Variants in EXOC6 observed in about 807,000 individuals in gnomAD.
EXOC6 encodes the protein SEC15-like 1.
A neutral mutation model predicts 112.5 loss-of-function variants in EXOC6; 60 were observed. The ratio of observed to expected loss-of-function variants is 0.53; its 90% CI spans 0.43 to 0.66. The LOEUF is 0.66. Among genes scored for constraint, EXOC6 ranks in the 30% least tolerant of loss-of-function variants. EXOC6 has a pLI of 0.00. For missense variants in EXOC6, 855 were observed against 957.1 expected, an observed-to-expected ratio of 0.89 and a Z score of 1.41; for synonymous variants, 295 against 308.0, an observed-to-expected ratio of 0.96 and a Z score of 0.44.
chr10:93,029,435 C>T (rs1474108750), intron 20 of EXOC6, among the ~76,000 whole-genome samples: 2 of 152,018 alleles, frequency 1.3e-5, no homozygotes, highest in East Asian at 1.9e-4. Context: ...TTTGAATGTT[C>T]TCTTTTGTGA....
chr10:92,979,269 C>T (rs1052923941), intron 18 of EXOC6, among the ~76,000 whole-genome samples: 1 of 152,170 alleles, frequency 6.6e-6, no homozygotes, highest in African/African-American at 2.4e-5. Flanking sequence ...AAGCGATTCT[C>T]CTCCCTCAGC....
At chr10:93,046,729 C>A (rs1846016430) in intron 20 of EXOC6, among the ~76,000 whole-genome samples, 1 of 152,056 alleles carries the variant, frequency 6.6e-6, no homozygotes, top group Non-Finnish European at 1.5e-5. Flanking sequence ...TCCCAAGTAG[C>A]TGGGATTACA....
intron 1 of EXOC6, 107 bp downstream of exon 1, chr10:92,848,741 G>A (rs1321226362): frequency 1.1e-6 from 1 of 929,058 alleles, no homozygotes; most frequent in Non-Finnish European, 1.3e-6. Flanking sequence ...CTCCCCGACA[G>A]GTGGTGCGCG....
At chr10:92,865,477 C>A (rs1848129016) in intron 1 of EXOC6, among the ~76,000 whole-genome samples, 1 of 151,784 alleles carries the variant, frequency 6.6e-6, no homozygotes, top group Non-Finnish European at 1.5e-5. Flanking sequence ...GTGGAGGTTG[C>A]AGTGAGCCAA....
At chr10:92,995,037 A>C (rs1233720677) in intron 18 of EXOC6, among the ~76,000 whole-genome samples, 1 of 152,000 alleles carries the variant, frequency 6.6e-6, no homozygotes, top group Admixed American at 6.6e-5. Flanking sequence ...TTGTGAACTT[A>C]AATTTTGAGC....
intron 19 of EXOC6, among the ~76,000 whole-genome samples, chr10:93,001,144 G>T (rs551312370): frequency 1.4e-4 from 21 of 152,262 alleles, no homozygotes; most frequent in African/African-American, 4.8e-4. Context: ...AGAGTGCCTG[G>T]TAAGTCTGTG....
At chr10:92,880,321 C>A (rs548789117) in intron 1 of EXOC6, among the ~76,000 whole-genome samples, 1 of 152,132 alleles carries the variant, frequency 6.6e-6, no homozygotes, top group Non-Finnish European at 1.5e-5. Flanking sequence ...AAAGTCCATG[C>A]ATGTTTAGTA....
intron 20 of EXOC6, among the ~76,000 whole-genome samples, chr10:93,028,660 C>A (rs974427191): frequency 1.3e-5 from 2 of 152,062 alleles, no homozygotes; most frequent in East Asian, 3.9e-4. Flanking sequence ...CATGGAGAAA[C>A]CCTGTCTCTA....
rs550872485 is a variant in EXOC6 at position 93,014,943 on chromosome 10, CTT to C, written c.2169+680_2169+681del. On this transcript the variant is annotated intron_variant, in intron 20 of 21. Transcript: ENST00000260762. ...TCTTTTCCTCCTCTTTTCTCTTCCT[CTT>C]TTTGTTTTTTTTTAATTCCTATTAT... 3.0e-4 allele frequency among the ~76,000 whole-genome samples: 45 copies of C among 151,062 alleles called. No individual in the cohort carries two copies. The South Asian group carries it at 9.5e-3, about 32-fold the overall frequency.
At chr10:92,883,744 C>T (rs1849073957) in intron 1 of EXOC6, among the ~76,000 whole-genome samples, 1 of 151,980 alleles carries the variant, frequency 6.6e-6, no homozygotes, top group Non-Finnish European at 1.5e-5. Context: ...AAACTTAAGG[C>T]TAATGTATCA....
At chr10:92,900,905 T>G (rs1371544918) in intron 5 of EXOC6, 1 of 152,198 alleles carries the variant, frequency 6.6e-6, no homozygotes, top group Non-Finnish European at 1.5e-5. Context: ...TACGTCTTTT[T>G]CCCTCCCTGA....
intron 20 of EXOC6, among the ~76,000 whole-genome samples, chr10:93,041,466 A>C (rs1845771854): frequency 6.6e-6 from 1 of 152,100 alleles, no homozygotes; most frequent in African/African-American, 2.4e-5. Context: ...ATCTTGGCTC[A>C]CTGCAACCTC....
intron 18 of EXOC6, among the ~76,000 whole-genome samples, chr10:92,995,204 T>C (rs1843434099): frequency 6.6e-6 from 1 of 152,144 alleles, no homozygotes; most frequent in East Asian, 1.9e-4. Context: ...GCTAAATTTG[T>C]GTGTGTGTAT....
At chr10:92,832,574 G>A (rs1348456239), upstream of EXOC6, among the ~76,000 whole-genome samples, 12 of 151,692 alleles carry the variant, frequency 7.9e-5, no homozygotes, top group African/African-American at 2.7e-4. Flanking sequence ...CACAGCACCC[G>A]GCCTACAAGG....
Position 93,058,532 on chromosome 10 carries a change from C to G in EXOC6, c.*177C>G. 4.5e-6 allele frequency: 2 copies of G among 446,210 alleles called. No individual in the cohort carries two copies. Among genetic ancestry groups the G allele is most frequent in the Non-Finnish European group, 7.5e-6 (2 of 268,334 alleles). The allele number at this position is 446,210 out of a possible 1,614,324, so 27.6% of individuals were successfully genotyped here. ...TCATTTGTATGGATTTTTAAATAAT[C>G]GAATACTATTTTATATATGGAAAAA... is the stretch of plus-strand genomic sequence containing the variant. On this transcript the variant is annotated 3_prime_UTR_variant, in exon 22 of 22. Transcript: ENST00000260762.
intron 20 of EXOC6, among the ~76,000 whole-genome samples, chr10:93,047,354 T>C (rs1846045244): frequency 6.7e-6 from 1 of 150,298 alleles, no homozygotes; most frequent in Non-Finnish European, 1.5e-5. Flanking sequence ...CTGGCCAACG[T>C]GTGAAACGTT....
At chr10:93,006,473 G>A (rs184125118) in intron 19 of EXOC6, among the ~76,000 whole-genome samples, 7 of 152,188 alleles carry the variant, frequency 4.6e-5, no homozygotes, top group African/African-American at 1.7e-4. Flanking sequence ...GAGAAAACTA[G>A]ATACTACTTT....
intron 1 of EXOC6, among the ~76,000 whole-genome samples, chr10:92,850,450 A>G (rs1174624226): frequency 6.6e-6 from 1 of 152,218 alleles, no homozygotes; most frequent in East Asian, 1.9e-4. Context: ...TTTTGCACAC[A>G]TATAGAGGGT....
intron 8 of EXOC6, among the ~76,000 whole-genome samples, 170 bp from the exon 9 acceptor site, chr10:92,928,169 A>G (rs531254280): frequency 6.6e-6 from 1 of 152,240 alleles, no homozygotes; most frequent in Non-Finnish European, 1.5e-5. Context: ...ACAAATTACT[A>G]TCTTTAAACT....
Sources: gnomAD v4.1 joint callset for allele counts (sites outside exome capture counted in the v4.1 genomes callset) on GRCh38, gnomAD v4.1.1 for gene constraint, MANE v1.5 for transcripts, NCBI Gene and HGNC (gene_info 2026-07-23, HGNC 2026-07-21) for gene names.